The following NSDHL variants were observed in gnomAD, a reference collection of about 807,000 sequenced individuals.
NSDHL encodes the protein sterol-4-alpha-carboxylate 3-dehydrogenase, decarboxylating.
NSDHL carries 1 observed loss-of-function variant against 23.0 expected under a neutral mutation model. The observed-to-expected ratio is 0.04, with a 90% CI of 0.02 to 0.21. The LOEUF is 0.21. NSDHL is among the 10% of genes least tolerant of loss of function. The pLI is 1.00. For missense variants in NSDHL, 237 were observed against 300.9 expected (o/e 0.79, Z 1.57); for synonymous variants, 128 against 121.1 (o/e 1.06, Z -0.37).
intron 1 of NSDHL, among the ~76,000 whole-genome samples, chrX:152,833,228 G>A (rs1933040430): frequency 1.2e-5 from 1 of 84,671 alleles, no homozygotes; most frequent in African/African-American, 5.3e-5. Context: ...AGCTATATTA[G>A]TGAAGTTTTA....
Position 152,865,674 on chromosome X carries a change from C to A in NSDHL, c.544-145C>A, listed in dbSNP as rs958293763. The A allele has an allele frequency of 2.4e-5, 18 of 747,210 alleles. No homozygotes were observed. The African/African-American group carries it at 3.7e-4, about 15-fold the overall frequency. The allele number at this position is 747,210 out of a possible 1,213,427, so 61.6% of individuals were successfully genotyped here. On this transcript the variant is annotated intron_variant, in intron 5 of 7. Transcript: ENST00000370274. ...ACTGATGTAGGTTGTCAGCTCAAGG[C>A]AGACCACTGCTCAGTGGCCACATGC...
chrX:152,857,995 A>G (rs1556847126), intron 3 of NSDHL, among the ~76,000 whole-genome samples: 1 of 112,672 alleles, frequency 8.9e-6, no homozygotes, highest in African/African-American at 3.2e-5. Context: ...CAAAATGATG[A>G]CATGCTATTA....
chrX:152,841,180 G>A (rs1415372205), intron 1 of NSDHL, among the ~76,000 whole-genome samples: 2 of 112,536 alleles, frequency 1.8e-5, no homozygotes, highest in African/African-American at 6.5e-5. Context: ...TATTTGAGCG[G>A]GAGTGTCCCG....
chrX:152,863,926 T>A (rs1443235501), intron 5 of NSDHL, among the ~76,000 whole-genome samples: 1 of 110,448 alleles, frequency 9.1e-6, no homozygotes, highest in Non-Finnish European at 1.9e-5. Context: ...TTTTTTTCTT[T>A]TTTGAGATGG....
chrX:152,841,400 G>A (rs1429274911), intron 1 of NSDHL, among the ~76,000 whole-genome samples: 1 of 111,890 alleles, frequency 8.9e-6, no homozygotes, highest in Non-Finnish European at 1.9e-5. Context: ...ATCACGCTGG[G>A]AGCTGCAGAC....
intron 3 of NSDHL, among the ~76,000 whole-genome samples, chrX:152,854,657 G>T (rs898342211): frequency 1.8e-5 from 2 of 109,248 alleles, no homozygotes; most frequent in Non-Finnish European, 3.8e-5. Flanking sequence ...TGATCCGCCC[G>T]CCTCTGCCTC....
At chrX:152,859,029 G>C (rs782503759) in intron 4 of NSDHL, 113 bp downstream of exon 4, 29 of 592,504 alleles carry the variant, frequency 4.9e-5, no homozygotes, top group Middle Eastern at 9.8e-4. Context: ...GCTTCTTAAA[G>C]TGTTGGGAAG....
chrX:152,854,661 C>T (rs1285709192), intron 3 of NSDHL, among the ~76,000 whole-genome samples: 3 of 109,456 alleles, frequency 2.7e-5, no homozygotes, highest in Non-Finnish European at 3.8e-5. Flanking sequence ...CCGCCCGCCT[C>T]TGCCTCCCAA....
At position 152,845,210 on chromosome X, in the gene NSDHL, A is replaced by G. The variant is rs1933253138; in HGVS notation, c.-43-1072A>G. ...GCCCGTAAAGTCTGTCCCCACTGGG[A>G]CACATGATCATGCCCATTCGTTAAA... On this transcript the variant is annotated intron_variant, in intron 1 of 7. Transcript: ENST00000370274. 2.7e-5 allele frequency among the ~76,000 whole-genome samples: 3 copies of G among 111,944 alleles called. 1 individual carries two copies. In the South Asian group the frequency reaches 1.1e-3, roughly 42 times the overall value.
chrX:152,857,797 AC>A (rs1267899920), intron 3 of NSDHL, among the ~76,000 whole-genome samples: 1 of 111,736 alleles, frequency 8.9e-6, no homozygotes, highest in Non-Finnish European at 1.9e-5. Flanking sequence ...CTTAGGAGAT[AC>A]CTGTGAAGCG....
intron 3 of NSDHL, among the ~76,000 whole-genome samples, chrX:152,858,125 T>G (rs1416495063): frequency 9.0e-6 from 1 of 111,685 alleles, no homozygotes; most frequent in African/African-American, 3.3e-5. Context: ...CTTTGCCCAG[T>G]GGGAACCTCT....
rs186899706 is a variant in NSDHL, at chrX:152,850,459, G to T, written c.267+36G>T. On this transcript the variant is annotated intron_variant, in intron 3 of 7. Transcript: ENST00000370274. Reference sequence around the variant, plus strand: ...ATGCAGCCTTGCTGATTTCCCACGAGCCCACGAAGGGAAACCACGATACTT... The same window carrying T: ...ATGCAGCCTTGCTGATTTCCCACGATCCCACGAAGGGAAACCACGATACTT... The T allele has an allele frequency of 2.4e-5, 28 of 1,178,842 alleles. No homozygotes were observed. In the East Asian group the frequency reaches 8.3e-4, roughly 35 times the overall value.
chrX:152,845,102 G>A (rs1556845362), intron 1 of NSDHL, among the ~76,000 whole-genome samples: 1 of 111,978 alleles, frequency 8.9e-6, no homozygotes, highest in Non-Finnish European at 1.9e-5. Context: ...TCCATTATGA[G>A]TTCAGAAAAA....
In NSDHL at chrX:152,862,462, A is replaced by C. The variant is rs1933543300; in HGVS notation, c.415-134A>C. On this transcript the variant is annotated intron_variant, in intron 4 of 7. Transcript: ENST00000370274. Reference sequence around the variant, plus strand: ...AAGGCATGAAAAGCAAAGGCATTGCAGCAAATAATTTCTTCAGTGCCTCGA... The same window carrying C: ...AAGGCATGAAAAGCAAAGGCATTGCCGCAAATAATTTCTTCAGTGCCTCGA... The C allele has an allele frequency of 8.8e-6, 5 of 570,410 alleles. No individual in the cohort carries two copies. In the Admixed American group the frequency reaches 1.3e-4, roughly 15 times the overall value. 47.0% of individuals were successfully genotyped at this position (570,410 alleles called of 1,213,427 possible).
Position 152,865,978 on chromosome X carries a change from C to T in NSDHL, c.686+17C>T, listed in dbSNP as rs1933601825. Reference sequence around the variant, plus strand: ...CGTGATTGGGTGAGTCAGCCCACAGCGGCTCTTCCCTAGTCCTTCCTGGTC... The same window carrying T: ...CGTGATTGGGTGAGTCAGCCCACAGTGGCTCTTCCCTAGTCCTTCCTGGTC... On this transcript the variant is annotated intron_variant, in intron 6 of 7. Transcript: ENST00000370274. 11 of 1,208,555 alleles carry T rather than the reference C, an allele frequency of 9.1e-6. No homozygotes were observed. Among genetic ancestry groups the T allele is most frequent in the East Asian group, 5.9e-5 (2 of 33,792 alleles).
chrX:152,862,822 G>C (rs1255398456), intron 5 of NSDHL, 98 bp downstream of exon 5: 10 of 842,618 alleles, frequency 1.2e-5, no homozygotes, highest in Non-Finnish European at 1.8e-5. Context: ...TGAGGCCTAC[G>C]TACCTGATTT....
chrX:152,853,549 C>A (rs182353822), intron 3 of NSDHL, among the ~76,000 whole-genome samples: 2 of 111,589 alleles, frequency 1.8e-5, no homozygotes, highest in African/African-American at 6.5e-5. Flanking sequence ...CAGATCACAC[C>A]GCCCTCTGTA....
At chrX:152,837,278 A>G (rs183443145) in intron 1 of NSDHL, among the ~76,000 whole-genome samples, 3,044 of 110,799 alleles carry the variant, frequency 0.027, 95 homozygotes, top group African/African-American at 0.094. Flanking sequence ...CTAATTGAAT[A>G]CCCTTTATTT....
chrX:152,834,961 C>T (rs1441541560), intron 1 of NSDHL, among the ~76,000 whole-genome samples: 1 of 110,665 alleles, frequency 9.0e-6, no homozygotes, highest in Non-Finnish European at 1.9e-5. Context: ...GGTGGGGCTC[C>T]GACAACCTTT....
Sources: gnomAD v4.1 joint callset for allele counts (sites outside exome capture counted in the v4.1 genomes callset) on GRCh38, gnomAD v4.1.1 for gene constraint, MANE v1.5 for transcripts, NCBI Gene and HGNC (gene_info 2026-07-23, HGNC 2026-07-21) for gene names.